The following DEUP1 variants were observed in gnomAD, a reference collection of about 807,000 sequenced individuals.
DEUP1 encodes the protein coiled-coil domain containing 67.
In DEUP1, 82 loss-of-function variants were observed where a neutral mutation model predicts 87.4. The observed-to-expected ratio is 0.94, with a 90% CI of 0.78 to 1.13. The LOEUF is 1.13. Ranked by LOEUF, DEUP1 falls within the 50% of genes most tolerant of loss-of-function variation. The pLI, the probability that DEUP1 is intolerant of heterozygous loss-of-function variation, is 0.00. For synonymous variants in DEUP1, 214 were observed against 222.7 expected (o/e 0.96, Z 0.35); for missense variants, 663 against 681.5 (o/e 0.97, Z 0.30).
At chr11:93,432,106 T>C (rs1196489442) in intron 13 of DEUP1, among the ~76,000 whole-genome samples, 1 of 152,106 alleles carries the variant, frequency 6.6e-6, no homozygotes, top group Non-Finnish European at 1.5e-5. Flanking sequence ...TACTGAAGTA[T>C]AAAAAAGAAA....
chr11:93,435,291 G>A (rs983599562), intron 13 of DEUP1, among the ~76,000 whole-genome samples: 2 of 152,064 alleles, frequency 1.3e-5, no homozygotes, highest in African/African-American at 4.8e-5. Context: ...TTGCAAGCAG[G>A]TCAGACATTC....
At chr11:93,436,291 A>G (rs886123872) in intron 13 of DEUP1, among the ~76,000 whole-genome samples, 1 of 152,160 alleles carries the variant, frequency 6.6e-6, no homozygotes, top group African/African-American at 2.4e-5. Context: ...ATGATGTTCC[A>G]TGTGATAGTC....
chr11:93,391,014 G>T (rs1396423599), intron 9 of DEUP1, among the ~76,000 whole-genome samples: 1 of 151,442 alleles, frequency 6.6e-6, no homozygotes, highest in East Asian at 1.9e-4. Flanking sequence ...CTCGGGAGGC[G>T]GAGGTTGCAG....
At chr11:93,330,167 C>T (rs1943398322), upstream of DEUP1, 2 of 152,248 alleles carry the variant, frequency 1.3e-5, no homozygotes, top group South Asian at 4.1e-4. Flanking sequence ...AGCTGGAAGA[C>T]GCTAGGGTGA....
At chr11:93,372,353 C>A (rs1318019164) in intron 7 of DEUP1, among the ~76,000 whole-genome samples, 1 of 152,148 alleles carries the variant, frequency 6.6e-6, no homozygotes, top group Non-Finnish European at 1.5e-5. Flanking sequence ...TGGCCGATAT[C>A]TTTTCCCCAC....
At chr11:93,394,756 T>C in intron 10 of DEUP1, 100 bp downstream of exon 10, 1 of 801,948 alleles carries the variant, frequency 1.2e-6, no homozygotes, top group South Asian at 2.3e-5. Flanking sequence ...CATTTCTTGG[T>C]ATTATTTCTG....
At chr11:93,358,027 A>G (rs1420088964) in intron 4 of DEUP1, among the ~76,000 whole-genome samples, 4 of 152,184 alleles carry the variant, frequency 2.6e-5, no homozygotes, top group South Asian at 2.1e-4. Context: ...TTATTTTTCT[A>G]TGAAGATAAG....
intron 7 of DEUP1, among the ~76,000 whole-genome samples, chr11:93,373,582 C>CATAT (rs199669569): frequency 2.0e-4 from 27 of 134,414 alleles, no homozygotes; most frequent in African/African-American, 7.4e-4. Context: ...TATATATATA[C>CATAT]ATATATATAT....
intron 13 of DEUP1, among the ~76,000 whole-genome samples, chr11:93,430,060 A>T (rs529554877): frequency 6.6e-6 from 1 of 152,100 alleles, no homozygotes; most frequent in Non-Finnish European, 1.5e-5. Context: ...TGAAGTATTC[A>T]TCTTTCTTTC....
chr11:93,375,962 GT>G (rs911377476), intron 7 of DEUP1, among the ~76,000 whole-genome samples: 1 of 151,838 alleles, frequency 6.6e-6, no homozygotes, highest in Non-Finnish European at 1.5e-5. Context: ...GTTTTGTTTT[GT>G]TTTTTAAACA....
At chr11:93,437,518 C>T in intron 13 of DEUP1, 25 bp from the exon 14 acceptor site, 2 of 1,580,456 alleles carry the variant, frequency 1.3e-6, no homozygotes, top group Non-Finnish European at 1.7e-6. Flanking sequence ...ATTCCTCACT[C>T]ACTTTTCTTT....
intron 13 of DEUP1, among the ~76,000 whole-genome samples, chr11:93,417,596 C>G (rs1454173751): frequency 1.3e-5 from 2 of 152,132 alleles, no homozygotes; most frequent in Non-Finnish European, 2.9e-5. Context: ...ATGAAAATGG[C>G]CATACTGCCC....
rs866236422 is a variant in DEUP1, at chr11:93,408,327, C to T, written c.1423C>T (p.His475Tyr). The T allele has an allele frequency of 6.3e-7, 1 of 1,578,398 alleles. No individual in the cohort carries two copies. The highest frequency in any genetic ancestry group is 1.3e-5 in the African/African-American group (1 of 74,330). Residue 475 changes from histidine to tyrosine, a missense_variant, in exon 12 of 14, where the codon CAT (histidine) becomes TAT (tyrosine). By Grantham distance (83) the His-to-Tyr change is moderately conservative. Coordinates refer to ENST00000298050, the MANE Select transcript of DEUP1 (RefSeq NM_181645.4). ...GCTCCGAAATGATCTTGCAAAACTT[C>T]ATGTCAATGGAAAATCAACCTGGAC... ...ERLRNDLAKL[H>Y]VNGKSTWTNQ...
chr11:93,412,405 T>G (rs966103170), intron 12 of DEUP1, among the ~76,000 whole-genome samples: 4 of 152,210 alleles, frequency 2.6e-5, no homozygotes, highest in Non-Finnish European at 4.4e-5. Flanking sequence ...TAGCACTTTA[T>G]GCAAGGTGGT....
chr11:93,413,593 T>C (rs1232168190), intron 12 of DEUP1, among the ~76,000 whole-genome samples: 1 of 152,196 alleles, frequency 6.6e-6, no homozygotes, highest in Admixed American at 6.5e-5. Context: ...AGATATTTAT[T>C]TAATCCCAAA....
At chr11:93,400,948 C>A (rs907842085) in intron 11 of DEUP1, among the ~76,000 whole-genome samples, 1 of 151,928 alleles carries the variant, frequency 6.6e-6, no homozygotes, top group Non-Finnish European at 1.5e-5. Context: ...CTGGCCAGAG[C>A]AATTAGGCGA....
chr11:93,374,135 T>C (rs1945913278), intron 7 of DEUP1, among the ~76,000 whole-genome samples: 1 of 152,172 alleles, frequency 6.6e-6, no homozygotes, highest in African/African-American at 2.4e-5. Flanking sequence ...GGATTGTTTG[T>C]TTTTTTCTTC....
chr11:93,403,298 G>T (rs998589265), intron 11 of DEUP1, among the ~76,000 whole-genome samples: 2 of 151,780 alleles, frequency 1.3e-5, no homozygotes, highest in Non-Finnish European at 2.9e-5. Context: ...TTCTTTAAAG[G>T]TTAGAAAGAA....
At chr11:93,330,264 G>T (rs1416826607), upstream of DEUP1, 2 of 132,234 alleles carry the variant, frequency 1.5e-5, no homozygotes, top group Non-Finnish European at 3.3e-5. Flanking sequence ...AGGGCCAAGG[G>T]GATTTAAGGA....
Sources: gnomAD v4.1 joint callset for allele counts (sites outside exome capture counted in the v4.1 genomes callset) on GRCh38, gnomAD v4.1.1 for gene constraint, MANE v1.5 for transcripts, NCBI Gene and HGNC (gene_info 2026-07-23, HGNC 2026-07-21) for gene names.